RGS5: variants seen among roughly 807,000 people sequenced by gnomAD.
RGS5 encodes the protein regulator of G-protein signalling 5.
In RGS5, 20 loss-of-function variants were observed where a neutral mutation model predicts 18.9. The observed-to-expected ratio is 1.06, with a 90% CI of 0.74 to 1.54. The LOEUF is 1.54. Among genes scored for constraint, RGS5 ranks in the 40% most tolerant of loss-of-function variants. The pLI is 0.00. For synonymous variants in RGS5, 57 were observed against 76.2 expected (o/e 0.75, Z 1.31); for missense variants, 201 against 211.8 (o/e 0.95, Z 0.32).
At chr1:163,253,922 T>C (rs1224776440) in intron 2 of RGS5, among the ~76,000 whole-genome samples, 4 of 151,982 alleles carry the variant, frequency 2.6e-5, no homozygotes, top group South Asian at 4.1e-4. Context: ...GTTCTTGCGA[T>C]AGTTTACTGA....
chr1:163,213,262 G>A (rs1660146204), intron 1 of RGS5, among the ~76,000 whole-genome samples: 1 of 152,088 alleles, frequency 6.6e-6, no homozygotes, highest in African/African-American at 2.4e-5. Flanking sequence ...ATTTTGAATG[G>A]AGCAAAAATA....
intron 2 of RGS5, among the ~76,000 whole-genome samples, chr1:163,163,039 CG>C (rs148165074): frequency 0.2 from 26,461 of 131,276 alleles, 2,513 homozygotes; most frequent in South Asian, 0.25. Context: ...AATGATATTT[CG>C]GGGGGGGGGG....
chr1:163,280,857 T>C (rs1340685068), intron 2 of RGS5, among the ~76,000 whole-genome samples: 2 of 152,192 alleles, frequency 1.3e-5, no homozygotes, highest in East Asian at 3.8e-4. Context: ...TCACACTATC[T>C]GACTTTAAAA....
chr1:163,270,861 A>G (rs970901382), intron 2 of RGS5, among the ~76,000 whole-genome samples: 1 of 152,166 alleles, frequency 6.6e-6, no homozygotes, highest in Non-Finnish European at 1.5e-5. Context: ...TAATCACTCT[A>G]CAGCTCAGTC....
At chr1:163,179,236 C>T (rs12567772) in intron 1 of RGS5, among the ~76,000 whole-genome samples, 5 of 152,118 alleles carry the variant, frequency 3.3e-5, no homozygotes, top group African/African-American at 7.2e-5. Flanking sequence ...CAAACTGCCC[C>T]GATTCATCTT....
At chr1:163,307,572 T>A (rs1041624829) in intron 1 of RGS5, among the ~76,000 whole-genome samples, 2 of 152,088 alleles carry the variant, frequency 1.3e-5, no homozygotes, top group African/African-American at 4.8e-5. Flanking sequence ...AGGAAAGTAC[T>A]GTACTTCTGC....
chr1:163,318,538 A>C (rs1174156798), intron 1 of RGS5, among the ~76,000 whole-genome samples: 2 of 152,204 alleles, frequency 1.3e-5, no homozygotes, highest in Non-Finnish European at 2.9e-5. Context: ...TTCAAGGAAC[A>C]GGTCAGGAAT....
chr1:163,201,049 G>T (rs1237809298), intron 1 of RGS5, among the ~76,000 whole-genome samples: 1 of 152,086 alleles, frequency 6.6e-6, no homozygotes, highest in Non-Finnish European at 1.5e-5. Context: ...CTCACCAAAT[G>T]CCAAGCAATG....
chr1:163,277,580 T>G (rs1648888813), intron 2 of RGS5, among the ~76,000 whole-genome samples: 1 of 152,136 alleles, frequency 6.6e-6, no homozygotes, highest in Non-Finnish European at 1.5e-5. Context: ...ATAAACTGGG[T>G]GATTTTTATA....
At chr1:163,317,743 G>T (rs1391218610) in intron 1 of RGS5, among the ~76,000 whole-genome samples, 1 of 152,078 alleles carries the variant, frequency 6.6e-6, no homozygotes, top group Non-Finnish European at 1.5e-5. Context: ...TTCCTAGACT[G>T]TGTTCTTCTT....
In RGS5 at chr1:163,147,464, T is replaced by A; in HGVS notation, c.424A>T (p.Asn142Tyr). The change falls in exon 5 of 5, where the codon AAC becomes TAC. Residue 142 changes from asparagine (N) to tyrosine (Y), a missense_variant. By Grantham distance (143) the Asn-to-Tyr change is moderately radical. Transcript: ENST00000313961. ...CTGCTCAGGGAAGGTTCCACCAGGT[T>A]CTTCATTGTGATGTCCTTAGTGAAG... ...DHFTKDITMK[N>Y]LVEPSLSSFD... is the part of the protein sequence containing the mutation. The A allele has an allele frequency of 6.2e-7, 1 of 1,611,248 alleles. No homozygotes were observed. The highest frequency in any genetic ancestry group is 2.2e-5 in the East Asian group (1 of 44,634).
chr1:163,305,321 G>C (rs1485643221), intron 2 of RGS5: 1 of 152,366 alleles, frequency 6.6e-6, no homozygotes, highest in Non-Finnish European at 1.5e-5. Context: ...TCTCTGTAAG[G>C]ACAGAGTGCT....
At chr1:163,240,895 GTGATGGCACACGCCTA>G (rs1440652472) in intron 2 of RGS5, among the ~76,000 whole-genome samples, 1 of 152,172 alleles carries the variant, frequency 6.6e-6, no homozygotes, top group Non-Finnish European at 1.5e-5. Context: ...TCTAAGGCGT[GTGATGGCACACGCCTA>G]TAGCCCCAGG....
At chr1:163,320,035 A>G (rs1234426969) in intron 1 of RGS5, among the ~76,000 whole-genome samples, 2 of 152,216 alleles carry the variant, frequency 1.3e-5, no homozygotes, top group Non-Finnish European at 2.9e-5. Context: ...AATTTATCAC[A>G]TCAATAGTAA....
At chr1:163,155,887 T>C (rs1657561196) in intron 3 of RGS5, among the ~76,000 whole-genome samples, 2 of 152,170 alleles carry the variant, frequency 1.3e-5, no homozygotes, top group Non-Finnish European at 1.5e-5. Flanking sequence ...TCTGGTCTTA[T>C]GGAAACACTC....
Position 163,151,184 on chromosome 1 carries a change from C to G in RGS5, c.384+1366G>C, listed in dbSNP as rs16849876. ...AAGTTTCTTTGAAATCAACAAAAAT[C>G]TGGGCTTTAATAGTCAATCAGTGGT... is the stretch of plus-strand genomic sequence containing the variant. On this transcript the variant is annotated intron_variant, in intron 4 of 4. Coordinates refer to ENST00000313961, the MANE Select transcript of RGS5 (RefSeq NM_003617.4). Among the ~76,000 whole-genome samples the G allele has an allele frequency of 5.0e-3, 756 of 152,240 alleles. 26 individuals are homozygous for G. The highest frequency in any genetic ancestry group is 0.034 in the Admixed American group (523 of 15,284).
chr1:163,277,209 A>G (rs1241590837), intron 2 of RGS5, among the ~76,000 whole-genome samples: 1 of 152,144 alleles, frequency 6.6e-6, no homozygotes, highest in African/African-American at 2.4e-5. Flanking sequence ...AAATCTACCT[A>G]TGACCTGGAA....
At chr1:163,224,045 G>A (rs1557911074) in intron 2 of RGS5, among the ~76,000 whole-genome samples, 1 of 152,146 alleles carries the variant, frequency 6.6e-6, no homozygotes, top group Non-Finnish European at 1.5e-5. Flanking sequence ...TCAAACATTT[G>A]TCATTTCCTT....
At chr1:163,244,611 G>A (rs749003027) in intron 2 of RGS5, 6 of 152,222 alleles carry the variant, frequency 3.9e-5, no homozygotes, top group Non-Finnish European at 7.4e-5. Context: ...TAAGGGACTC[G>A]GAAAAGACAA....
Sources: allele counts gnomAD v4.1 joint callset (sites outside exome capture counted in the v4.1 genomes callset), GRCh38; gene constraint gnomAD v4.1.1; transcripts MANE v1.5; gene names NCBI Gene and HGNC (gene_info 2026-07-23, HGNC 2026-07-21).